The following PTPRR variants were observed in gnomAD, a reference collection of about 807,000 sequenced individuals.
PTPRR encodes the protein receptor-type tyrosine-protein phosphatase R.
PTPRR carries 38 observed loss-of-function variants against 77.2 expected under a neutral mutation model. That is an observed-to-expected ratio of 0.49 (90% confidence interval 0.38 to 0.65). The LOEUF is 0.65. Ranked by LOEUF, PTPRR falls within the 30% of genes least tolerant of loss-of-function variation. PTPRR has a pLI of 0.00. For synonymous variants in PTPRR, 299 were observed against 283.1 expected (o/e 1.06, Z -0.57); for missense variants, 744 against 799.2 (o/e 0.93, Z 0.83).
chr12:70,785,168 A>T (rs139070992), intron 2 of PTPRR, among the ~76,000 whole-genome samples: 1 of 151,940 alleles, frequency 6.6e-6, no homozygotes, highest in Non-Finnish European at 1.5e-5. Context: ...CATGTAGAAG[A>T]CTCTTTAAGG....
intron 2 of PTPRR, among the ~76,000 whole-genome samples, chr12:70,854,601 C>T (rs1447144764): frequency 6.6e-6 from 1 of 152,328 alleles, no homozygotes; most frequent in Non-Finnish European, 1.5e-5. Flanking sequence ...TGCTAATGAT[C>T]TATTTTCTGT....
intron 2 of PTPRR, among the ~76,000 whole-genome samples, chr12:70,768,721 G>C (rs1169078830): frequency 6.6e-6 from 1 of 152,100 alleles, no homozygotes; most frequent in Non-Finnish European, 1.5e-5. Flanking sequence ...GAGAATTTTA[G>C]ACCAATATCC....
At chr12:70,819,181 T>C (rs1028963883) in intron 2 of PTPRR, among the ~76,000 whole-genome samples, 10 of 152,098 alleles carry the variant, frequency 6.6e-5, no homozygotes, top group Non-Finnish European at 1.2e-4. Context: ...ATTAGCCAGG[T>C]GTGGTGGCGC....
intron 2 of PTPRR, among the ~76,000 whole-genome samples, chr12:70,864,383 C>T (rs1892805061): frequency 6.6e-6 from 1 of 152,080 alleles, no homozygotes; most frequent in Non-Finnish European, 1.5e-5. Context: ...TTCTGTGGTC[C>T]CCTAATCTGT....
intron 8 of PTPRR, among the ~76,000 whole-genome samples, chr12:70,689,629 G>A (rs1419139058): frequency 6.6e-6 from 1 of 152,102 alleles, no homozygotes; most frequent in Non-Finnish European, 1.5e-5. Flanking sequence ...TAACAAACAA[G>A]GAGGAGAAGC....
chr12:70,864,179 G>A (rs1892801734), intron 2 of PTPRR, among the ~76,000 whole-genome samples: 1 of 152,130 alleles, frequency 6.6e-6, no homozygotes, highest in South Asian at 2.1e-4. Context: ...TGCATGACCA[G>A]ACTGGCAACC....
At chr12:70,659,342 G>A (rs1176409487) in intron 12 of PTPRR, among the ~76,000 whole-genome samples, 9 of 152,140 alleles carry the variant, frequency 5.9e-5, no homozygotes. Flanking sequence ...CATGGATGAG[G>A]TCAGAAGGGC....
At chr12:70,741,466 T>C (rs1470685484) in intron 6 of PTPRR, among the ~76,000 whole-genome samples, 1 of 152,164 alleles carries the variant, frequency 6.6e-6, no homozygotes, top group Non-Finnish European at 1.5e-5. Context: ...GATGCTTGAA[T>C]GCCCCTCCCT....
chr12:70,793,553 AATGAC>A (rs1891457338), intron 2 of PTPRR, among the ~76,000 whole-genome samples: 1 of 152,158 alleles, frequency 6.6e-6, no homozygotes. Context: ...GCCAGAGAAC[AATGAC>A]ATCTACCTAT....
At chr12:70,827,635 T>G (rs1892135919) in intron 2 of PTPRR, among the ~76,000 whole-genome samples, 1 of 151,296 alleles carries the variant, frequency 6.6e-6, no homozygotes, top group African/African-American at 2.4e-5. Context: ...AACCTTTTTC[T>G]TCCAGGTTCA....
At chr12:70,913,932 G>T (rs907231888) in intron 1 of PTPRR, among the ~76,000 whole-genome samples, 3 of 152,090 alleles carry the variant, frequency 2.0e-5, no homozygotes, top group Non-Finnish European at 2.9e-5. Context: ...TAAGTATATA[G>T]AAATAAAGCT....
rs1475685906 is a variant in PTPRR at position 70,662,534 on chromosome 12, A to C, written c.1569T>G (p.Asn523Lys). The C allele has an allele frequency of 1.9e-6, 3 of 1,612,040 alleles. No individual in the cohort carries two copies. The highest frequency in any genetic ancestry group is 2.5e-6 in the Non-Finnish European group (3 of 1,178,642). The change falls in exon 11 of 14, where the codon AAT (asparagine) becomes AAG (lysine). Residue 523 changes from asparagine (N) to lysine (K), a missense_variant. Physicochemically the swap from Asn to Lys is moderately conservative, Grantham distance 94 (BLOSUM62 0). This residue lies in a region of PTPRR where 170 missense variants were observed against 209.8 expected (regional missense o/e 0.81). Coordinates refer to ENST00000283228, the MANE Select transcript of PTPRR (RefSeq NM_002849.4). ...TTCGAATGGTGTAGTTATCACATTCATTTACACTGATAACCAGAACCTCAA... is the reference window on the plus strand; with the variant it reads ...TTCGAATGGTGTAGTTATCACATTCCTTTACACTGATAACCAGAACCTCAA... ...GKVEVLVISV[N>K]ECDNYTIRNL...
At chr12:70,854,974 A>G (rs1226990604) in intron 2 of PTPRR, among the ~76,000 whole-genome samples, 2 of 152,208 alleles carry the variant, frequency 1.3e-5, no homozygotes, top group East Asian at 1.9e-4. Flanking sequence ...AATATCTTCT[A>G]GGGTCAGAAA....
intron 2 of PTPRR, among the ~76,000 whole-genome samples, chr12:70,784,781 G>C (rs941917906): frequency 3.3e-5 from 5 of 152,228 alleles, no homozygotes; most frequent in African/African-American, 9.6e-5. Context: ...TTCAGTACAA[G>C]GGGAAGTGGA....
chr12:70,771,171 AAAAT>A (rs1209637047), intron 2 of PTPRR, among the ~76,000 whole-genome samples: 1 of 151,288 alleles, frequency 6.6e-6, no homozygotes, highest in Non-Finnish European at 1.5e-5. Flanking sequence ...AAATTAAAAA[AAAAT>A]AAAAATAAAA....
At chr12:70,879,407 A>C (rs1365827464) in intron 2 of PTPRR, among the ~76,000 whole-genome samples, 1 of 151,892 alleles carries the variant, frequency 6.6e-6, no homozygotes, top group African/African-American at 2.4e-5. Flanking sequence ...AAAAAAAAAA[A>C]AGAAGAAACA....
At chr12:70,767,787 T>C (rs1180848370) in intron 2 of PTPRR, among the ~76,000 whole-genome samples, 2 of 152,130 alleles carry the variant, frequency 1.3e-5, no homozygotes, top group Non-Finnish European at 2.9e-5. Flanking sequence ...TCAGCAAATG[T>C]AAAAGAACAG....
chr12:70,715,604 C>A (rs976934203), intron 6 of PTPRR, among the ~76,000 whole-genome samples: 1 of 152,192 alleles, frequency 6.6e-6, no homozygotes, highest in Admixed American at 6.5e-5. Context: ...AGACCCACCC[C>A]CAGGCGCGTA....
chr12:70,785,318 C>G (rs1891298487), intron 2 of PTPRR, among the ~76,000 whole-genome samples: 1 of 126,756 alleles, frequency 7.9e-6, no homozygotes, highest in South Asian at 2.3e-4. Flanking sequence ...TTTTTATAAC[C>G]TAGTTTTTCC....
Sources: gnomAD v4.1 joint callset for allele counts (sites outside exome capture counted in the v4.1 genomes callset) on GRCh38, gnomAD v4.1.1 for gene constraint, gnomAD v4.1.1 regional missense constraint, MANE v1.5 for transcripts, NCBI Gene and HGNC (gene_info 2026-07-23, HGNC 2026-07-21) for gene names.